Variants in FGGY observed in about 807,000 individuals in gnomAD.
The protein encoded by FGGY is FGGY carbohydrate kinase domain-containing protein.
Under a neutral mutation model 71.3 loss-of-function variants are expected in FGGY, and 72 were observed. The observed-to-expected ratio is 1.01, with a 90% CI of 0.84 to 1.23. FGGY has a LOEUF of 1.23. Ranked by LOEUF, FGGY falls within the 50% of genes most tolerant of loss-of-function variation. The pLI, the probability that FGGY is intolerant of heterozygous loss-of-function variation, is 0.00. For missense variants in FGGY, 668 were observed against 682.3 expected (o/e 0.98, Z 0.23); for synonymous variants, 251 against 250.3 (o/e 1.00, Z -0.02).
At chr1:59,737,823 A>T (rs1489587403) in intron 14 of FGGY, among the ~76,000 whole-genome samples, 1 of 152,124 alleles carries the variant, frequency 6.6e-6, no homozygotes, top group Non-Finnish European at 1.5e-5. Flanking sequence ...TAGTTTTGAA[A>T]TGTGAGGACA....
chr1:59,653,150 C>T (rs2097182096), intron 11 of FGGY, among the ~76,000 whole-genome samples: 1 of 152,232 alleles, frequency 6.6e-6, no homozygotes. Context: ...CCACTGCTCT[C>T]TTCAAAGCTG....
intron 7 of FGGY, among the ~76,000 whole-genome samples, chr1:59,537,373 C>G (rs1481150061): frequency 2.0e-5 from 3 of 152,166 alleles, no homozygotes; most frequent in South Asian, 2.1e-4. Flanking sequence ...GAAGAACATT[C>G]CATGCTCGTG....
At chr1:59,636,816 C>T (rs2096964954) in intron 10 of FGGY, among the ~76,000 whole-genome samples, 1 of 152,142 alleles carries the variant, frequency 6.6e-6, no homozygotes, top group African/African-American at 2.4e-5. Context: ...AATCACTGAG[C>T]CTTCCTTCTA....
chr1:59,639,522 G>A (rs993851398), intron 11 of FGGY, among the ~76,000 whole-genome samples: 2 of 152,148 alleles, frequency 1.3e-5, no homozygotes, highest in African/African-American at 4.8e-5. Flanking sequence ...AGGGCCATGT[G>A]GCAACAGACC....
At position 59,739,914 on chromosome 1, in the gene FGGY, C is replaced by T. The variant is rs141918897; in HGVS notation, c.1513-18017C>T. On this transcript the variant is annotated intron_variant, in intron 14 of 15. Transcript: ENST00000303721. ...GGTTGGGTTTGGCCAATGGGCAGCC[C>T]CAGCAGGAACCTGGAGAATAATGAA... 1.9e-3 allele frequency among the ~76,000 whole-genome samples: 291 copies of T among 152,268 alleles called. 2 individuals are homozygous for T. Among genetic ancestry groups the T allele is most frequent in the African/African-American group, 6.6e-3 (276 of 41,540 alleles).
At chr1:59,369,855 T>C (rs2057288395) in intron 4 of FGGY, among the ~76,000 whole-genome samples, 1 of 152,226 alleles carries the variant, frequency 6.6e-6, no homozygotes, top group Non-Finnish European at 1.5e-5. Flanking sequence ...CTGAGGGTCC[T>C]GTCTGTTAGA....
intron 6 of FGGY, among the ~76,000 whole-genome samples, chr1:59,508,005 C>A (rs1040832260): frequency 6.6e-6 from 1 of 152,158 alleles, no homozygotes; most frequent in African/African-American, 2.4e-5. Context: ...CTCAAACACA[C>A]CATGCCCCTC....
At chr1:59,371,342 A>T (rs2057590708) in intron 4 of FGGY, among the ~76,000 whole-genome samples, 1 of 152,214 alleles carries the variant, frequency 6.6e-6, no homozygotes, top group African/African-American at 2.4e-5. Flanking sequence ...GGATCAATTC[A>T]ACAGGAAGAG....
chr1:59,513,420 G>C (rs528937277), intron 7 of FGGY, among the ~76,000 whole-genome samples: 3 of 152,126 alleles, frequency 2.0e-5, no homozygotes, highest in Admixed American at 6.5e-5. Context: ...CTGTGACTTG[G>C]CACACATGTT....
In FGGY at chr1:59,447,176, G is replaced by A. The variant is rs536931034; in HGVS notation, c.555-9785G>A. The stretch of plus-strand genomic sequence containing the variant: ...TTTTCTGATTGAAACTAAAGATGAT[G>A]AAAATAAAGATGGTGATTATAGTAG... On this transcript the variant is annotated intron_variant, in intron 5 of 15. Coordinates refer to ENST00000303721, the MANE Select transcript of FGGY (RefSeq NM_018291.5). 1.2e-3 allele frequency among the ~76,000 whole-genome samples: 178 copies of A among 152,216 alleles called. 1 individual carries two copies. The highest frequency in any genetic ancestry group is 4.0e-3 in the African/African-American group (168 of 41,538).
intron 5 of FGGY, among the ~76,000 whole-genome samples, chr1:59,455,280 G>T (rs981398651): frequency 6.6e-6 from 1 of 152,184 alleles, no homozygotes; most frequent in Admixed American, 6.5e-5. Context: ...CTTCATTGGG[G>T]CTTCCTGAAA....
At chr1:59,630,497 T>G (rs1022234492) in intron 10 of FGGY, among the ~76,000 whole-genome samples, 2 of 152,178 alleles carry the variant, frequency 1.3e-5, no homozygotes, top group Non-Finnish European at 2.9e-5. Context: ...ACTACTAGAT[T>G]CTTCATCCAT....
intron 10 of FGGY, among the ~76,000 whole-genome samples, chr1:59,636,864 G>A (rs1037046733): frequency 6.6e-6 from 1 of 152,036 alleles, no homozygotes; most frequent in Non-Finnish European, 1.5e-5. Context: ...TAATGCCTTA[G>A]GTATCTTAGA....
chr1:59,378,408 T>C (rs1337324354), intron 4 of FGGY, among the ~76,000 whole-genome samples: 1 of 152,140 alleles, frequency 6.6e-6, no homozygotes, highest in Non-Finnish European at 1.5e-5. Flanking sequence ...CACGCGAAAC[T>C]GTGAGTCCAT....
At chr1:59,390,307 GAATA>G (rs1486868716) in intron 5 of FGGY, among the ~76,000 whole-genome samples, 1 of 152,114 alleles carries the variant, frequency 6.6e-6, no homozygotes, top group Non-Finnish European at 1.5e-5. Flanking sequence ...TCTTTCCTGT[GAATA>G]AATATAGATA....
intron 7 of FGGY, among the ~76,000 whole-genome samples, chr1:59,548,539 A>T (rs1187126601): frequency 6.6e-6 from 1 of 152,170 alleles, no homozygotes; most frequent in Non-Finnish European, 1.5e-5. Context: ...TTCAAGTCTA[A>T]CTCTGAAGAA....
intron 4 of FGGY, among the ~76,000 whole-genome samples, chr1:59,370,083 AGAG>A (rs1395476223): frequency 6.6e-6 from 1 of 152,242 alleles, no homozygotes; most frequent in Admixed American, 6.5e-5. Context: ...TGACGAGTTG[AGAG>A]AAGAAGGCTT....
chr1:59,324,005 GTGGCATCAGATA>G (rs2153138283), intron 2 of FGGY, among the ~76,000 whole-genome samples: 1 of 152,290 alleles, frequency 6.6e-6, no homozygotes, highest in Non-Finnish European at 1.5e-5. Context: ...AGGGCAAAGG[GTGGCATCAGATA>G]TGTCCTGGTC....
At chr1:59,676,808 G>C (rs551492965) in intron 14 of FGGY, among the ~76,000 whole-genome samples, 47 of 152,240 alleles carry the variant, frequency 3.1e-4, no homozygotes, top group Admixed American at 4.6e-4. Context: ...ATCTAGTAAA[G>C]GGAGCCACCA....
Sources: allele counts gnomAD v4.1 joint callset (sites outside exome capture counted in the v4.1 genomes callset), GRCh38; gene constraint gnomAD v4.1.1; transcripts MANE v1.5; gene names NCBI Gene and HGNC (gene_info 2026-07-23, HGNC 2026-07-21).